The following COLGALT2 variants were observed in gnomAD, a reference collection of about 807,000 sequenced individuals.
The protein encoded by COLGALT2 is collagen beta(1-O)galactosyltransferase 2.
Under a neutral mutation model 73.4 loss-of-function variants are expected in COLGALT2, and 49 were observed. The observed-to-expected ratio is 0.67, with a 90% CI of 0.53 to 0.85. The LOEUF (loss-of-function observed/expected upper bound fraction) is 0.85. Among genes scored for constraint, COLGALT2 ranks in the 40% least tolerant of loss-of-function variants. The pLI is 0.00. For synonymous variants in COLGALT2, 295 were observed against 307.6 expected (o/e 0.96, Z 0.43); for missense variants, 722 against 790.2 (o/e 0.91, Z 1.03).
rs888003991 is a variant in COLGALT2, at chr1:184,014,321, G to A, written c.263+22774C>T. Among the ~76,000 whole-genome samples, 10 of 152,178 alleles carry A rather than the reference G, an allele frequency of 6.6e-5. No individual in the cohort carries two copies. The East Asian group carries it at 7.7e-4, about 12-fold the overall frequency. ...GGAAGGTGGAACCATGGATCTGAGCGAAGGCACTGTTATAAAAAAGGAAAC... is the reference window on the plus strand; with the variant it reads ...GGAAGGTGGAACCATGGATCTGAGCAAAGGCACTGTTATAAAAAAGGAAAC... On this transcript the variant is annotated intron_variant, in intron 1 of 11. Coordinates refer to ENST00000361927, the MANE Select transcript of COLGALT2 (RefSeq NM_015101.4).
rs1649729819 is a variant in COLGALT2 at position 184,037,434 on chromosome 1, C to G, written c.-77G>C. On this transcript the variant is annotated 5_prime_UTR_variant, in exon 1 of 12. Coordinates refer to ENST00000361927, the MANE Select transcript of COLGALT2 (RefSeq NM_015101.4). The stretch of plus-strand genomic sequence containing the variant: ...GGCTGCCTGAGGGCGGCGGCGGCTG[C>G]CGGGGAGCAAGGGGCTGCGAGGGGC... The G allele has an allele frequency of 7.9e-7, 1 of 1,265,288 alleles. No individual in the cohort carries two copies. The highest frequency in any genetic ancestry group is 9.9e-7 in the Non-Finnish European group (1 of 1,008,972). 78.4% of individuals were successfully genotyped at this position (1,265,288 alleles called of 1,614,324 possible). A position where few individuals can be genotyped will look rare whatever the true frequency, so the allele number is the denominator to read the frequency against.
chr1:183,993,034 T>C (rs1311109904), intron 1 of COLGALT2, among the ~76,000 whole-genome samples: 1 of 152,192 alleles, frequency 6.6e-6, no homozygotes, highest in African/African-American at 2.4e-5. Flanking sequence ...AAAGGGTTGC[T>C]AAATGAATAA....
intron 1 of COLGALT2, among the ~76,000 whole-genome samples, chr1:183,991,622 T>C (rs1186376626): frequency 3.3e-5 from 5 of 152,174 alleles, no homozygotes; most frequent in African/African-American, 1.2e-4. Flanking sequence ...GCTTTGAATT[T>C]ACCTGCTTTG....
intron 7 of COLGALT2, among the ~76,000 whole-genome samples, chr1:183,953,330 A>G (rs1196283153): frequency 6.6e-6 from 1 of 152,146 alleles, no homozygotes; most frequent in African/African-American, 2.4e-5. Flanking sequence ...GACTCAGGAA[A>G]GTAGAGTCTC....
intron 5 of COLGALT2, among the ~76,000 whole-genome samples, 163 bp downstream of exon 5, chr1:183,969,106 G>A (rs1357615236): frequency 6.6e-6 from 1 of 151,962 alleles, no homozygotes; most frequent in Admixed American, 6.6e-5. Flanking sequence ...GTGCTCCCAG[G>A]GACAGCAACA....
At chr1:184,004,439 G>A (rs149628414) in intron 1 of COLGALT2, among the ~76,000 whole-genome samples, 3 of 152,310 alleles carry the variant, frequency 2.0e-5, no homozygotes, top group African/African-American at 7.2e-5. Context: ...ACAAAGCAGA[G>A]TGATCTACAT....
At chr1:183,943,980 A>G (rs545384370) in intron 10 of COLGALT2, among the ~76,000 whole-genome samples, 1 of 152,302 alleles carries the variant, frequency 6.6e-6, no homozygotes, top group East Asian at 1.9e-4. Flanking sequence ...GTCTCAGACA[A>G]TCTTCCACAG....
chr1:184,036,947 C>G (rs1455079931), intron 1 of COLGALT2, 148 bp downstream of exon 1: 1 of 639,772 alleles, frequency 1.6e-6, no homozygotes, highest in Non-Finnish European at 2.2e-6. Flanking sequence ...GCGCGGGCAG[C>G]GAGGGGGTGT....
intron 1 of COLGALT2, among the ~76,000 whole-genome samples, chr1:184,034,367 T>G (rs1174366698): frequency 1.3e-5 from 2 of 152,036 alleles, no homozygotes; most frequent in African/African-American, 4.8e-5. Context: ...ATTTTTACTC[T>G]TCCTTCAAAA....
intron 1 of COLGALT2, among the ~76,000 whole-genome samples, chr1:183,996,851 T>C (rs937018370): frequency 6.6e-5 from 10 of 152,182 alleles, no homozygotes; most frequent in Non-Finnish European, 1.3e-4. Flanking sequence ...ATGGGGTGAA[T>C]ATGCACCCAG....
intron 1 of COLGALT2, among the ~76,000 whole-genome samples, chr1:184,005,279 C>T (rs1672041782): frequency 6.6e-6 from 1 of 152,218 alleles, no homozygotes; most frequent in Non-Finnish European, 1.5e-5. Context: ...TGGCTTTCTC[C>T]TTCACCTTCT....
intron 1 of COLGALT2, among the ~76,000 whole-genome samples, chr1:184,006,598 A>G (rs930297431): frequency 9.2e-6 from 1 of 108,584 alleles, no homozygotes; most frequent in African/African-American, 3.5e-5. Context: ...AAACAATAAA[A>G]ATAAAATAAT....
At chr1:183,944,415 T>C in intron 9 of COLGALT2, 92 bp from the exon 10 acceptor site, 2 of 1,376,636 alleles carry the variant, frequency 1.5e-6, no homozygotes, top group East Asian at 2.4e-5. Flanking sequence ...ACGAGTCTAG[T>C]AGCACAGATT....
chr1:183,962,202 C>T (rs1210975420), intron 6 of COLGALT2, among the ~76,000 whole-genome samples: 1 of 125,462 alleles, frequency 8.0e-6, no homozygotes, highest in African/African-American at 3.1e-5. Flanking sequence ...CTCTGTCACT[C>T]AGGCTGGAGT....
intron 1 of COLGALT2, among the ~76,000 whole-genome samples, chr1:184,019,071 A>G (rs1649094426): frequency 6.6e-6 from 1 of 152,164 alleles, no homozygotes; most frequent in Non-Finnish European, 1.5e-5. Flanking sequence ...TCCTTTCAAA[A>G]AGAAACAAAT....
Position 183,940,530 on chromosome 1 carries a change from T to C in COLGALT2, c.1604+51A>G, listed in dbSNP as rs746060055. On this transcript the variant is annotated intron_variant, in intron 11 of 11. Transcript: ENST00000361927. The stretch of plus-strand genomic sequence containing the variant: ...GTACTACCAGAAATGGAGAGCATAA[T>C]TCATGAAGAGGCTGTGCCCAAGGGA... The C allele has an allele frequency of 6.7e-6, 10 of 1,497,516 alleles. No homozygotes were observed. In the African/African-American group the frequency reaches 1.4e-4, roughly 21 times the overall value. 92.8% of individuals were successfully genotyped at this position (1,497,516 alleles called of 1,614,324 possible).
intron 2 of COLGALT2, among the ~76,000 whole-genome samples, chr1:183,975,585 T>G (rs952997516): frequency 1.3e-5 from 2 of 152,246 alleles, no homozygotes; most frequent in Admixed American, 6.5e-5. Flanking sequence ...AAGCTCATGT[T>G]CCTAGACAAT....
At chr1:183,984,154 A>G (rs1007191622) in intron 1 of COLGALT2, among the ~76,000 whole-genome samples, 1 of 152,236 alleles carries the variant, frequency 6.6e-6, no homozygotes, top group Non-Finnish European at 1.5e-5. Context: ...CACGCCTGTA[A>G]TCCCAGCACT....
At chr1:183,962,221 G>A (rs377719573) in intron 6 of COLGALT2, among the ~76,000 whole-genome samples, 9 of 139,760 alleles carry the variant, frequency 6.4e-5, no homozygotes, top group East Asian at 2.2e-4. Context: ...GTGCAATGGC[G>A]CGATCTTGGC....
Sources: allele counts gnomAD v4.1 joint callset (sites outside exome capture counted in the v4.1 genomes callset), GRCh38; gene constraint gnomAD v4.1.1; transcripts MANE v1.5; gene names NCBI Gene and HGNC (gene_info 2026-07-23, HGNC 2026-07-21).